The following AGMO variants were observed in gnomAD, a reference collection of about 807,000 sequenced individuals.
AGMO encodes the protein alkylglycerol monooxygenase.
AGMO carries 75 observed loss-of-function variants against 60.2 expected under a neutral mutation model. The observed-to-expected ratio is 1.25, with a 90% CI of 1.03 to 1.51. The LOEUF (loss-of-function observed/expected upper bound fraction) is 1.51, where lower values mean the gene tolerates loss of function less well. AGMO is among the 40% of genes most tolerant of loss of function. The pLI, the probability that AGMO is intolerant of heterozygous loss-of-function variation, is 0.00. For missense variants in AGMO, 763 were observed against 525.5 expected (o/e 1.45, Z -4.42); for synonymous variants, 261 against 177.1 (o/e 1.47, Z -3.76).
chr7:15,389,776 A>C (rs1562480353), intron 8 of AGMO, among the ~76,000 whole-genome samples: 1 of 152,234 alleles, frequency 6.6e-6, no homozygotes. Flanking sequence ...AATGGGAATG[A>C]AAAGAGCCAC....
the AGMO span, among the ~76,000 whole-genome samples, chr7:15,146,656 C>G: frequency 6.6e-6 from 1 of 152,084 alleles, no homozygotes; most frequent in Non-Finnish European, 1.5e-5. Context: ...CTTGTTATTA[C>G]TTAAAGTTAC....
At chr7:15,139,644 G>C in the AGMO span, among the ~76,000 whole-genome samples, 1 of 151,498 alleles carries the variant, frequency 6.6e-6, no homozygotes, top group Non-Finnish European at 1.5e-5. Context: ...CTGATGGCCA[G>C]GTATTAGAGT....
rs181018822 is a variant in AGMO at position 15,317,409 on chromosome 7, C to T, written c.1263+48105G>A. ...TAGTGTTGGGACATAAAAATAAACA[C>T]GGACTAGAATAAATCATGATAGAGT... is the stretch of plus-strand genomic sequence containing the variant. On this transcript the variant is annotated intron_variant, in intron 12 of 12. Coordinates refer to ENST00000342526, the MANE Select transcript of AGMO (RefSeq NM_001004320.2). Among the ~76,000 whole-genome samples, 6 of 152,092 alleles carry T rather than the reference C, an allele frequency of 3.9e-5. No homozygotes were observed. In the East Asian group the frequency reaches 9.7e-4, roughly 25 times the overall value.
the AGMO span, among the ~76,000 whole-genome samples, chr7:15,144,262 T>G: frequency 6.6e-6 from 1 of 152,268 alleles, no homozygotes; most frequent in South Asian, 2.1e-4. Flanking sequence ...AAATATTTTA[T>G]AAGGTAATCC....
intron 12 of AGMO, among the ~76,000 whole-genome samples, chr7:15,298,433 C>A (rs1040590020): frequency 6.6e-6 from 1 of 152,130 alleles, no homozygotes; most frequent in Non-Finnish European, 1.5e-5. Context: ...CTCACTCTGT[C>A]ACCAAGGTTG....
At chr7:15,515,133 C>A (rs1783775810) in intron 3 of AGMO, among the ~76,000 whole-genome samples, 1 of 152,200 alleles carries the variant, frequency 6.6e-6, no homozygotes. Context: ...AAAGGAAGCA[C>A]TATGACTTTT....
At chr7:15,531,430 ATATATATATTCTATATATATTCTC>A (rs1562557295) in intron 3 of AGMO, among the ~76,000 whole-genome samples, 1 of 18,270 alleles carries the variant, frequency 5.5e-5, no homozygotes, top group Non-Finnish European at 8.5e-5. Flanking sequence ...TATATATTCT[ATATATATATTCTATATATATTCTC>A]TATATATATT....
intron 12 of AGMO, among the ~76,000 whole-genome samples, chr7:15,343,521 A>G (rs1269903342): frequency 6.6e-6 from 1 of 152,198 alleles, no homozygotes; most frequent in Non-Finnish European, 1.5e-5. Context: ...TTTGGCATCT[A>G]TAATATCTTA....
chr7:15,546,944 T>A (rs1784796831), intron 2 of AGMO, among the ~76,000 whole-genome samples: 1 of 152,174 alleles, frequency 6.6e-6, no homozygotes, highest in Non-Finnish European at 1.5e-5. Context: ...AATCTTAAAA[T>A]TGCTCACTAT....
At chr7:15,465,168 T>A (rs1423187981) in intron 3 of AGMO, among the ~76,000 whole-genome samples, 1 of 151,958 alleles carries the variant, frequency 6.6e-6, no homozygotes, top group East Asian at 2.0e-4. Context: ...GCCCCTACTT[T>A]CGACAAGCTA....
chr7:15,166,826 A>G, the AGMO span, among the ~76,000 whole-genome samples: 4 of 152,252 alleles, frequency 2.6e-5, no homozygotes, highest in East Asian at 7.8e-4. Flanking sequence ...TTAGCTTGAG[A>G]AAGTAGAACT....
At chr7:15,507,973 G>C (rs1783563892) in intron 3 of AGMO, among the ~76,000 whole-genome samples, 1 of 151,950 alleles carries the variant, frequency 6.6e-6, no homozygotes, top group Admixed American at 6.6e-5. Context: ...GCTCACTTTT[G>C]TCATTGTTAA....
chr7:15,361,262 C>T (rs1782741906), intron 12 of AGMO, among the ~76,000 whole-genome samples: 1 of 150,078 alleles, frequency 6.7e-6, no homozygotes. Context: ...AAACTCTGAA[C>T]ATGTGAACTT....
intron 3 of AGMO, among the ~76,000 whole-genome samples, chr7:15,529,088 A>G (rs1403202263): frequency 2.0e-5 from 3 of 152,162 alleles, no homozygotes; most frequent in African/African-American, 7.2e-5. Context: ...AAAACGTTCA[A>G]AACAGACATT....
At chr7:15,423,251 G>A (rs375327603) in intron 4 of AGMO, among the ~76,000 whole-genome samples, 2 of 152,136 alleles carry the variant, frequency 1.3e-5, no homozygotes, top group African/African-American at 4.8e-5. Flanking sequence ...AATAGCATGT[G>A]CCACATTCCT....
intron 12 of AGMO, among the ~76,000 whole-genome samples, chr7:15,268,557 T>G (rs916347682): frequency 1.1e-4 from 17 of 152,022 alleles, no homozygotes; most frequent in African/African-American, 2.9e-4. Flanking sequence ...AGTGTGAGAT[T>G]GTCAAATAAT....
At chr7:15,428,062 G>A (rs945532969) in intron 4 of AGMO, among the ~76,000 whole-genome samples, 3 of 73,936 alleles carry the variant, frequency 4.1e-5, no homozygotes, top group Middle Eastern at 0.01. Flanking sequence ...TCAAAGATGC[G>A]GCCCATTTAT....
intron 2 of AGMO, among the ~76,000 whole-genome samples, chr7:15,550,729 AC>A (rs1456070941): frequency 1.4e-5 from 2 of 143,024 alleles, no homozygotes; most frequent in Non-Finnish European, 3.0e-5. Flanking sequence ...GCCGAATTCT[AC>A]CAGAGGTACA....
At chr7:15,339,330 C>T (rs1270722306) in intron 12 of AGMO, among the ~76,000 whole-genome samples, 1 of 152,072 alleles carries the variant, frequency 6.6e-6, no homozygotes, top group African/African-American at 2.4e-5. Flanking sequence ...AATTAGATAT[C>T]CAAATGGAAT....
Sources: gnomAD v4.1 joint callset for allele counts (sites outside exome capture counted in the v4.1 genomes callset) on GRCh38, gnomAD v4.1.1 for gene constraint, MANE v1.5 for transcripts, NCBI Gene and HGNC (gene_info 2026-07-23, HGNC 2026-07-21) for gene names.